ZPBP: variants seen among roughly 807,000 people sequenced by gnomAD.
ZPBP encodes the protein zona pellucida binding protein, also known as zona pellucida-binding protein 1.
ZPBP carries 26 observed loss-of-function variants against 44.8 expected under a neutral mutation model. The ratio of observed to expected loss-of-function variants is 0.58; its 90% CI spans 0.43 to 0.81. The LOEUF (loss-of-function observed/expected upper bound fraction) is 0.81. ZPBP is among the 30% of genes least tolerant of loss of function. ZPBP has a pLI of 0.00. For synonymous variants in ZPBP, 174 were observed against 153.2 expected (o/e 1.14, Z -1.00); for missense variants, 409 against 434.0 (o/e 0.94, Z 0.51).
intron 1 of ZPBP, among the ~76,000 whole-genome samples, chr7:49,924,911 G>A (rs1238036229): frequency 2.0e-5 from 3 of 152,228 alleles, no homozygotes; most frequent in Non-Finnish European, 2.9e-5. Context: ...AACAGGCACC[G>A]ACCATAAACA....
In ZPBP at chr7:49,911,944, C is replaced by A. The variant is rs1289639685; in HGVS notation, n.412-10729G>T. ...ACACGCACACACACACACACACACA[C>A]ACATATATATACTGTAATGCTTAAT... is the stretch of plus-strand genomic sequence containing the variant. On this transcript the variant is annotated intron_variant and non_coding_transcript_variant, in intron 1 of 2. Coordinates refer to the ZPBP transcript ENST00000465922. 31 of 1,039,272 alleles carry A rather than the reference C, an allele frequency of 3.0e-5. 1 individual carries two copies. Among genetic ancestry groups the A allele is most frequent in the Non-Finnish European group, 3.9e-5 (30 of 770,418 alleles). The allele number at this position is 1,039,272 out of a possible 1,614,324, so 64.4% of individuals were successfully genotyped here. A position where few individuals can be genotyped will look rare whatever the true frequency, so the allele number is the denominator to read the frequency against.
At chr7:49,944,217 G>A in intron 7 of ZPBP, 1 of 355,548 alleles carries the variant, frequency 2.8e-6, no homozygotes, top group Non-Finnish European at 5.4e-6. Flanking sequence ...ATATTTGGCT[G>A]CACTTTTGCC....
intron 2 of ZPBP, among the ~76,000 whole-genome samples, chr7:49,858,840 G>T (rs943244401): frequency 3.3e-5 from 5 of 152,080 alleles, no homozygotes; most frequent in Non-Finnish European, 7.4e-5. Context: ...CATACAGATG[G>T]AATCCCATTG....
At chr7:49,879,797 A>C (rs577072859) in intron 2 of ZPBP, among the ~76,000 whole-genome samples, 65 of 152,160 alleles carry the variant, frequency 4.3e-4, no homozygotes, top group African/African-American at 1.4e-3. Context: ...TTATAATTTT[A>C]GGTGTGATCA....
rs144869475 is a variant in ZPBP at position 50,063,393 on chromosome 7, G to A, written c.335-5252C>T. Reference sequence around the variant, plus strand: ...GCACCACTATTTGCCATCTCTTTGCGGAGCTGAGCTTTTTCTTCTACTGGC... The same window carrying A: ...GCACCACTATTTGCCATCTCTTTGCAGAGCTGAGCTTTTTCTTCTACTGGC... On this transcript the variant is annotated intron_variant, in intron 3 of 7. Coordinates refer to ENST00000046087, the MANE Select transcript of ZPBP (RefSeq NM_007009.3). 7.3e-3 allele frequency among the ~76,000 whole-genome samples: 1,110 copies of A among 152,214 alleles called. 11 individuals carry two copies. Among genetic ancestry groups the A allele is most frequent in the African/African-American group, 0.024 (1,016 of 41,512 alleles).
intron 5 of ZPBP, among the ~76,000 whole-genome samples, chr7:50,020,406 T>C (rs896342358): frequency 1.3e-5 from 2 of 152,074 alleles, no homozygotes; most frequent in Non-Finnish European, 2.9e-5. Flanking sequence ...AGAATCAGTA[T>C]ACACAAAAGA....
intron 7 of ZPBP, among the ~76,000 whole-genome samples, chr7:49,973,645 C>T (rs1796387896): frequency 6.6e-6 from 1 of 152,014 alleles, no homozygotes; most frequent in South Asian, 2.1e-4. Flanking sequence ...ATGAGGAACA[C>T]TTCACATTCA....
At chr7:49,865,831 T>C (rs944032956) in intron 2 of ZPBP, among the ~76,000 whole-genome samples, 3 of 152,206 alleles carry the variant, frequency 2.0e-5, no homozygotes, top group Non-Finnish European at 4.4e-5. Context: ...GCTCATTCCA[T>C]GCAACCTCAG....
At chr7:49,916,616 A>T (rs1475760633) in intron 1 of ZPBP, 1 of 152,242 alleles carries the variant, frequency 6.6e-6, no homozygotes, top group African/African-American at 2.4e-5. Flanking sequence ...GGGCTGTGAA[A>T]TATTCAATTC....
At chr7:50,005,327 T>TATAAAAATATAAAG (rs1798258731) in intron 6 of ZPBP, among the ~76,000 whole-genome samples, 1 of 151,980 alleles carries the variant, frequency 6.6e-6, no homozygotes, top group Admixed American at 6.6e-5. Context: ...TATAAAGTAA[T>TATAAAAATATAAAG]TCTGTAAACA....
At chr7:49,877,507 T>TATATATATAG (rs1791485567) in intron 2 of ZPBP, among the ~76,000 whole-genome samples, 1 of 90,318 alleles carries the variant, frequency 1.1e-5, no homozygotes, top group Non-Finnish European at 2.3e-5. Flanking sequence ...TATATATATA[T>TATATATATAG]ATATATATAT....
chr7:49,891,369 C>T (rs1338995484), intron 2 of ZPBP, among the ~76,000 whole-genome samples: 2 of 152,158 alleles, frequency 1.3e-5, no homozygotes, highest in African/African-American at 2.4e-5. Context: ...AGAGAGATGA[C>T]AATTCCATAA....
intron 5 of ZPBP, among the ~76,000 whole-genome samples, chr7:50,018,698 A>G (rs1403066143): frequency 6.6e-6 from 1 of 151,992 alleles, no homozygotes; most frequent in Non-Finnish European, 1.5e-5. Flanking sequence ...ATTTAACTCA[A>G]TTCTTAATCT....
chr7:49,981,429 A>G (rs372527573), intron 7 of ZPBP, among the ~76,000 whole-genome samples: 6 of 41,150 alleles, frequency 1.5e-4, no homozygotes, highest in African/African-American at 7.6e-4. Context: ...ATAATATAAA[A>G]TATATATAAT....
intron 4 of ZPBP, among the ~76,000 whole-genome samples, chr7:50,040,697 G>A (rs1800040140): frequency 6.6e-6 from 1 of 152,172 alleles, no homozygotes. Context: ...TACACCACCA[G>A]GGCCCTGAGT....
chr7:50,002,781 C>T (rs1234204193), intron 6 of ZPBP, among the ~76,000 whole-genome samples: 1 of 152,156 alleles, frequency 6.6e-6, no homozygotes, highest in Non-Finnish European at 1.5e-5. Context: ...AAAAGCAATA[C>T]TTGAATGAAT....
At chr7:49,981,647 TA>T (rs1402689817) in intron 7 of ZPBP, among the ~76,000 whole-genome samples, 4,631 of 64,726 alleles carry the variant, frequency 0.072, 1,028 homozygotes, top group East Asian at 0.1. Flanking sequence ...TATTATATAA[TA>T]TCTTGATATA....
chr7:50,039,216 G>C (rs149959566), intron 4 of ZPBP, among the ~76,000 whole-genome samples: 133 of 152,130 alleles, frequency 8.7e-4, no homozygotes, highest in Middle Eastern at 6.8e-3. Flanking sequence ...ACATCAAATA[G>C]AGAATATAAA....
chr7:49,989,262 C>T (rs370232169), intron 6 of ZPBP, among the ~76,000 whole-genome samples: 35 of 152,208 alleles, frequency 2.3e-4, no homozygotes, highest in Middle Eastern at 3.4e-3. Flanking sequence ...AGTCCCTGTA[C>T]GGGGTTCCTA....
Sources: allele counts gnomAD v4.1 joint callset (sites outside exome capture counted in the v4.1 genomes callset), GRCh38; gene constraint gnomAD v4.1.1; transcripts MANE v1.5; gene names NCBI Gene and HGNC (gene_info 2026-07-23, HGNC 2026-07-21).